The following CDC14B variants were observed in gnomAD, a reference collection of about 807,000 sequenced individuals.
CDC14B encodes cell division cycle 14B.
CDC14B carries 22 observed loss-of-function variants against 64.2 expected under a neutral mutation model. The observed-to-expected ratio is 0.34, with a 90% CI of 0.24 to 0.49. CDC14B has a LOEUF of 0.49. Among genes scored for constraint, CDC14B ranks in the 20% least tolerant of loss-of-function variants. CDC14B has a pLI of 0.99. For missense variants in CDC14B, 498 were observed against 629.9 expected (o/e 0.79, Z 2.24); for synonymous variants, 191 against 215.8 (o/e 0.89, Z 1.01).
chr9:96,548,093 A>G (rs920199904), intron 5 of CDC14B, among the ~76,000 whole-genome samples: 27 of 152,060 alleles, frequency 1.8e-4, no homozygotes, highest in Non-Finnish European at 3.1e-4. Flanking sequence ...CCAAAGTGCT[A>G]GGATTACAGG....
At chr9:96,530,781 A>C (rs2131668227) in intron 9 of CDC14B, among the ~76,000 whole-genome samples, 1 of 152,110 alleles carries the variant, frequency 6.6e-6, no homozygotes, top group Non-Finnish European at 1.5e-5. Flanking sequence ...TTCACCATTG[A>C]GTATGATGTT....
rs762273864 is a variant in CDC14B at position 96,503,757 on chromosome 9, C to T, written c.1493G>A (p.Arg498His). The stretch of plus-strand genomic sequence containing the variant: ...GCTCTGGTCACAGGTTTTTACTTAA[C>T]GCAAGACTGTTTTAGTCCTTGAAAT... ...LSISRTKTVL[R>H] is the part of the protein sequence containing the mutation. Residue 498 changes from arginine (R) to histidine (H), a missense_variant, in exon 14 of 14, where the codon CGT (arginine) becomes CAT (histidine). Arg to His is a conservative substitution (Grantham distance 29). Coordinates refer to ENST00000375241, the MANE Select transcript of CDC14B (RefSeq NM_033331.4). 3.2e-5 allele frequency: 51 copies of T among 1,613,484 alleles called. 1 individual carries two copies. The highest frequency in any genetic ancestry group is 2.7e-4 in the Admixed American group (16 of 59,948).
At chr9:96,544,176 G>A (rs747335588) in intron 5 of CDC14B, among the ~76,000 whole-genome samples, 5 of 151,950 alleles carry the variant, frequency 3.3e-5, no homozygotes, top group Non-Finnish European at 7.4e-5. Context: ...AAGATCGCAC[G>A]CCACTGCACT....
At chr9:96,578,242 A>G (rs1263223324) in intron 1 of CDC14B, among the ~76,000 whole-genome samples, 2 of 152,234 alleles carry the variant, frequency 1.3e-5, no homozygotes, top group South Asian at 2.1e-4. Flanking sequence ...GTGATTGAGT[A>G]AGTAAATGGA....
downstream of CDC14B, among the ~76,000 whole-genome samples, chr9:96,499,517 G>A (rs953619228): frequency 1.3e-5 from 2 of 152,232 alleles, no homozygotes; most frequent in African/African-American, 2.4e-5. Flanking sequence ...GAGCCTGACT[G>A]ACTTAAGTCT....
downstream of CDC14B, among the ~76,000 whole-genome samples, chr9:96,497,887 C>T (rs1048248589): frequency 4.6e-5 from 7 of 152,166 alleles, no homozygotes; most frequent in Admixed American, 6.5e-5. Context: ...GGTTTGCAAA[C>T]AGCCTGGGCC....
At chr9:96,618,599 C>T in intron 1 of CDC14B, 1 of 532,680 alleles carries the variant, frequency 1.9e-6, no homozygotes, top group Non-Finnish European at 3.8e-6. Flanking sequence ...GAGGCCCCGG[C>T]GGGGAGCGGA....
intron 13 of CDC14B, among the ~76,000 whole-genome samples, chr9:96,509,309 C>T (rs1399479493): frequency 2.6e-5 from 4 of 152,172 alleles, no homozygotes; most frequent in Non-Finnish European, 5.9e-5. Context: ...CTCATTTCTA[C>T]CATCACATTC....
intron 5 of CDC14B, among the ~76,000 whole-genome samples, chr9:96,550,864 C>T (rs1252732894): frequency 6.6e-6 from 1 of 152,174 alleles, no homozygotes; most frequent in Non-Finnish European, 1.5e-5. Flanking sequence ...GTAGACATCA[C>T]TAACTACCAC....
intron 9 of CDC14B, among the ~76,000 whole-genome samples, chr9:96,531,046 T>C (rs1331649907): frequency 6.6e-6 from 1 of 152,218 alleles, no homozygotes; most frequent in Non-Finnish European, 1.5e-5. Flanking sequence ...CTGAATTCCA[T>C]TGGCTAGTAT....
At chr9:96,568,417 T>C (rs556766741) in intron 1 of CDC14B, among the ~76,000 whole-genome samples, 2 of 152,208 alleles carry the variant, frequency 1.3e-5, no homozygotes, top group Non-Finnish European at 2.9e-5. Flanking sequence ...CAATTTGTTA[T>C]CACAAAAGTA....
chr9:96,607,613 C>T (rs959327797), intron 1 of CDC14B, among the ~76,000 whole-genome samples: 4 of 151,720 alleles, frequency 2.6e-5, no homozygotes, highest in African/African-American at 9.7e-5. Flanking sequence ...TTAGTAGAGA[C>T]GGGGTTTCCC....
chr9:96,492,759 A>AT (rs976132347), exon 14 of CDC14B: 17 of 152,172 alleles, frequency 1.1e-4, no homozygotes, highest in African/African-American at 4.1e-4. Flanking sequence ...AGAAAAAAAA[A>AT]TTTTTTTAAA....
chr9:96,577,686 T>G (rs1489003298), intron 1 of CDC14B, among the ~76,000 whole-genome samples: 1 of 152,152 alleles, frequency 6.6e-6, no homozygotes, highest in Non-Finnish European at 1.5e-5. Context: ...CATTTAAGAT[T>G]ACAGCGGCAG....
chr9:96,569,485 G>T (rs904532167), intron 1 of CDC14B, among the ~76,000 whole-genome samples: 1 of 152,142 alleles, frequency 6.6e-6, no homozygotes, highest in Admixed American at 6.6e-5. Flanking sequence ...CAGGTCGGGG[G>T]AAATCACTGA....
At chr9:96,496,992 G>A (rs1833274758), downstream of CDC14B, among the ~76,000 whole-genome samples, 1 of 152,210 alleles carries the variant, frequency 6.6e-6, no homozygotes, top group African/African-American at 2.4e-5. Context: ...GCATTCCCCG[G>A]AGTCCCACGC....
At chr9:96,520,907 C>A (rs892470726) in intron 12 of CDC14B, among the ~76,000 whole-genome samples, 1 of 151,672 alleles carries the variant, frequency 6.6e-6, no homozygotes, top group Non-Finnish European at 1.5e-5. Flanking sequence ...GTGCTGCCTG[C>A]CTCCTCCACC....
rs560664613 is a variant in CDC14B at position 96,543,251 on chromosome 9, C to T, written c.498-1359G>A. On this transcript the variant is annotated intron_variant, in intron 5 of 13. Transcript: ENST00000375241. ...CTCCGAGGCTGAGGCAGGAGAATGG[C>T]GTGAACCCGGAGGCGGAGCTTGCAG... Among the ~76,000 whole-genome samples the T allele has an allele frequency of 1.1e-4, 17 of 151,120 alleles. No homozygotes were observed. The South Asian group carries it at 1.3e-3, about 11-fold the overall frequency.
intron 13 of CDC14B, among the ~76,000 whole-genome samples, chr9:96,507,465 G>C (rs940124413): frequency 1.3e-5 from 2 of 151,192 alleles, no homozygotes; most frequent in Non-Finnish European, 2.9e-5. Context: ...GCCCAGGCTA[G>C]AGTGCAATGG....
Sources: allele counts gnomAD v4.1 joint callset (sites outside exome capture counted in the v4.1 genomes callset), GRCh38; gene constraint gnomAD v4.1.1; transcripts MANE v1.5; gene names NCBI Gene and HGNC (gene_info 2026-07-23, HGNC 2026-07-21).